The following BMERB1 variants were observed in gnomAD, a reference collection of about 807,000 sequenced individuals.
The protein encoded by BMERB1 is bMERB domain-containing protein 1.
Under a neutral mutation model 23.6 loss-of-function variants are expected in BMERB1, and 12 were observed. The ratio of observed to expected loss-of-function variants is 0.51; its 90% confidence interval spans 0.33 to 0.82. The LOEUF (loss-of-function observed/expected upper bound fraction) is 0.82. BMERB1 is among the 40% of genes least tolerant of loss of function. The pLI, the probability that BMERB1 is intolerant of heterozygous loss-of-function variation, is 0.03. For missense variants in BMERB1, 247 were observed against 255.4 expected (o/e 0.97, Z 0.22); for synonymous variants, 122 against 96.6 (o/e 1.26, Z -1.54).
chr16:15,507,603 C>T (rs1191417102), intron 1 of BMERB1, among the ~76,000 whole-genome samples: 2 of 152,146 alleles, frequency 1.3e-5, no homozygotes, highest in Non-Finnish European at 2.9e-5. Context: ...AAATGCTCCT[C>T]CCGTTTCTTC....
chr16:15,466,952 A>G (rs1197255999), intron 1 of BMERB1, among the ~76,000 whole-genome samples: 1 of 152,192 alleles, frequency 6.6e-6, no homozygotes, highest in Non-Finnish European at 1.5e-5. Flanking sequence ...CATGCAGTAT[A>G]TAACCTTTTT....
At chr16:15,584,253 T>C in intron 5 of BMERB1, 1 of 514,108 alleles carries the variant, frequency 1.9e-6, no homozygotes. Flanking sequence ...GTGAGGCCTC[T>C]TTCAGTTAGA....
At chr16:15,538,334 T>C (rs182901701) in intron 2 of BMERB1, among the ~76,000 whole-genome samples, 51 of 152,150 alleles carry the variant, frequency 3.4e-4, no homozygotes, top group African/African-American at 1.2e-3. Flanking sequence ...GCACCTGTAA[T>C]CCCAGCTACT....
At chr16:15,534,787 A>ACTTACTTCTCCTGTCTTAT (rs1406482706) in intron 2 of BMERB1, among the ~76,000 whole-genome samples, 3 of 151,982 alleles carry the variant, frequency 2.0e-5, no homozygotes, top group African/African-American at 7.3e-5. Context: ...CAAGGAAGAC[A>ACTTACTTCTCCTGTCTTAT]CTTACTTCTC....
At chr16:15,538,568 T>C (rs1040850459) in intron 2 of BMERB1, among the ~76,000 whole-genome samples, 3 of 152,178 alleles carry the variant, frequency 2.0e-5, no homozygotes, top group Admixed American at 2.0e-4. Flanking sequence ...CTTAGACCTG[T>C]TAGAACTGAC....
intron 1 of BMERB1, among the ~76,000 whole-genome samples, chr16:15,480,993 G>T (rs1316998721): frequency 6.6e-6 from 1 of 152,118 alleles, no homozygotes; most frequent in Non-Finnish European, 1.5e-5. Context: ...TTTCATTAGA[G>T]CATTGTGTCT....
At chr16:15,552,725 A>G (rs771916059) in intron 2 of BMERB1, among the ~76,000 whole-genome samples, 4 of 152,204 alleles carry the variant, frequency 2.6e-5, no homozygotes, top group Admixed American at 1.3e-4. Flanking sequence ...CTATGTCTCA[A>G]TGTCTCTTGA....
At chr16:15,492,925 A>G (rs984340748) in intron 1 of BMERB1, among the ~76,000 whole-genome samples, 20 of 151,728 alleles carry the variant, frequency 1.3e-4, no homozygotes, top group Admixed American at 1.1e-3. Flanking sequence ...TCTCAAAAAA[A>G]AAGAAAAAAA....
intron 1 of BMERB1, among the ~76,000 whole-genome samples, chr16:15,474,279 A>G (rs1278151920): frequency 3.3e-5 from 5 of 151,886 alleles, no homozygotes; most frequent in Admixed American, 6.6e-5. Flanking sequence ...TCTTTCTTCA[A>G]ATTTGGGAAG....
chr16:15,539,127 G>A (rs1598505105), intron 2 of BMERB1, among the ~76,000 whole-genome samples: 1 of 152,110 alleles, frequency 6.6e-6, no homozygotes, highest in Non-Finnish European at 1.5e-5. Flanking sequence ...GGAATCAGTG[G>A]GAGCCCTGAG....
chr16:15,461,527 A>C (rs556007861), intron 1 of BMERB1, among the ~76,000 whole-genome samples: 4 of 152,168 alleles, frequency 2.6e-5, no homozygotes, highest in East Asian at 1.9e-4. Context: ...GGCAAAACCA[A>C]CCTAGCCATT....
chr16:15,500,860 C>T (rs1468014510), intron 1 of BMERB1, among the ~76,000 whole-genome samples: 2 of 152,148 alleles, frequency 1.3e-5, no homozygotes, highest in East Asian at 3.9e-4. Flanking sequence ...CCATGTTGTC[C>T]AGGCTGGTGT....
intron 1 of BMERB1, among the ~76,000 whole-genome samples, chr16:15,458,915 G>T (rs1239767092): frequency 1.3e-5 from 2 of 152,080 alleles, no homozygotes; most frequent in Non-Finnish European, 2.9e-5. Context: ...GACCAGCCTG[G>T]CCAGCATAGT....
chr16:15,556,339 G>A (rs946838341), intron 2 of BMERB1, among the ~76,000 whole-genome samples: 2 of 152,092 alleles, frequency 1.3e-5, no homozygotes, highest in African/African-American at 4.8e-5. Context: ...GTGCAAAACC[G>A]TGGGCTGCCT....
chr16:15,565,335 T>G (rs1372903962), intron 2 of BMERB1, among the ~76,000 whole-genome samples: 4 of 152,196 alleles, frequency 2.6e-5, no homozygotes, highest in African/African-American at 7.2e-5. Context: ...TGTCCTCTGG[T>G]TTTTCCTAGG....
chr16:15,492,749 T>G (rs2051433621), intron 1 of BMERB1, among the ~76,000 whole-genome samples: 1 of 151,764 alleles, frequency 6.6e-6, no homozygotes, highest in Non-Finnish European at 1.5e-5. Flanking sequence ...CGAAACCTTG[T>G]CTCTACTAAA....
intron 2 of BMERB1, among the ~76,000 whole-genome samples, chr16:15,538,060 G>A (rs1373522725): frequency 6.6e-6 from 1 of 152,150 alleles, no homozygotes; most frequent in Non-Finnish European, 1.5e-5. Context: ...ATTTACCTTT[G>A]AAAGCAACAC....
intron 3 of BMERB1, among the ~76,000 whole-genome samples, chr16:15,569,537 GC>G (rs1223521876): frequency 4.6e-5 from 7 of 152,114 alleles, no homozygotes; most frequent in Admixed American, 2.6e-4. Flanking sequence ...CTCTCATCAG[GC>G]CACGCCTCCA....
chr16:15,546,357 G>A (rs928695256), intron 2 of BMERB1, among the ~76,000 whole-genome samples: 1 of 152,124 alleles, frequency 6.6e-6, no homozygotes, highest in Admixed American at 6.6e-5. Flanking sequence ...AGCAAAGTGA[G>A]TCCTGCTATC....
Sources: allele counts gnomAD v4.1 joint callset (sites outside exome capture counted in the v4.1 genomes callset), GRCh38; gene constraint gnomAD v4.1.1; transcripts MANE v1.5; gene names NCBI Gene and HGNC (gene_info 2026-07-23, HGNC 2026-07-21).